Variants in RXFP1 observed in about 807,000 individuals in gnomAD.
RXFP1 encodes relaxin receptor 1.
A neutral mutation model predicts 89.8 loss-of-function variants in RXFP1; 73 were observed. The observed-to-expected ratio is 0.81, with a 90% CI of 0.67 to 0.99. The LOEUF is 0.99. Ranked by LOEUF, RXFP1 falls within the 50% of genes least tolerant of loss-of-function variation. The pLI is 0.00. For synonymous variants in RXFP1, 277 were observed against 305.5 expected, an observed-to-expected ratio of 0.91 and a Z score of 0.97; for missense variants, 793 against 895.5, an observed-to-expected ratio of 0.89 and a Z score of 1.46.
At chr4:158,612,414 A>C in intron 8 of RXFP1, 52 bp downstream of exon 8, 1 of 1,276,830 alleles carries the variant, frequency 7.8e-7, no homozygotes. Flanking sequence ...GACATGAATA[A>C]AAATTAATGC....
intron 11 of RXFP1, among the ~76,000 whole-genome samples, chr4:158,630,807 C>G (rs1399119039): frequency 1.3e-5 from 2 of 152,182 alleles, no homozygotes; most frequent in African/African-American, 2.4e-5. Context: ...GAGTCTATAT[C>G]TAAAGTGTCC....
intron 1 of RXFP1, among the ~76,000 whole-genome samples, chr4:158,555,591 G>A (rs537185683): frequency 2.4e-4 from 37 of 152,128 alleles, no homozygotes; most frequent in East Asian, 1.2e-3. Context: ...CAGACCCCAC[G>A]AAATGCATAC....
chr4:158,541,616 C>T (rs146798011), intron 1 of RXFP1, among the ~76,000 whole-genome samples: 2 of 152,158 alleles, frequency 1.3e-5, no homozygotes, highest in Admixed American at 1.3e-4. Context: ...CATACCCATA[C>T]ACCTTTCACC....
chr4:158,575,259 A>C (rs922257160), intron 2 of RXFP1, among the ~76,000 whole-genome samples: 22 of 152,228 alleles, frequency 1.4e-4, no homozygotes, highest in Non-Finnish European at 1.0e-4. Flanking sequence ...AGACAGAGGC[A>C]ATAGGGCATT....
chr4:158,645,349 A>G (rs1259670753), intron 15 of RXFP1, among the ~76,000 whole-genome samples: 4 of 152,224 alleles, frequency 2.6e-5, no homozygotes, highest in African/African-American at 9.6e-5. Flanking sequence ...TAATCACCTT[A>G]TGCAAATTAA....
At chr4:158,639,997 CTTGGTCT>C in intron 14 of RXFP1, among the ~76,000 whole-genome samples, 1 of 152,350 alleles carries the variant, frequency 6.6e-6, no homozygotes, top group South Asian at 2.1e-4. Flanking sequence ...GCACCTTGAT[CTTGGTCT>C]TCCCAGCCTC....
chr4:158,587,630 C>A (rs1387043625), intron 2 of RXFP1, among the ~76,000 whole-genome samples: 1 of 152,158 alleles, frequency 6.6e-6, no homozygotes, highest in African/African-American at 2.4e-5. Flanking sequence ...TACATAAATT[C>A]TTTGGCCTAG....
chr4:158,533,904 A>G (rs1744666698), intron 1 of RXFP1, among the ~76,000 whole-genome samples: 1 of 152,194 alleles, frequency 6.6e-6, no homozygotes, highest in African/African-American at 2.4e-5. Context: ...AATATTATAG[A>G]TGAAAACATC....
intron 5 of RXFP1, among the ~76,000 whole-genome samples, chr4:158,606,214 C>T (rs1762510011): frequency 6.6e-6 from 1 of 152,068 alleles, no homozygotes; most frequent in South Asian, 2.1e-4. Flanking sequence ...ACCTTGTGTC[C>T]ACTTATTTAA....
intron 9 of RXFP1, among the ~76,000 whole-genome samples, chr4:158,623,226 C>T (rs781069245): frequency 5.2e-4 from 79 of 151,544 alleles, no homozygotes; most frequent in Admixed American, 3.3e-4. Context: ...GGGTCAGGTG[C>T]GGTGGTGCAT....
chr4:158,545,860 G>A (rs1036575925), intron 1 of RXFP1, among the ~76,000 whole-genome samples: 2 of 152,282 alleles, frequency 1.3e-5, no homozygotes, highest in Admixed American at 1.3e-4. Flanking sequence ...TAGCCTTGTA[G>A]TATAGTTTGA....
In RXFP1 at chr4:158,542,079, C is replaced by CCATATATATATATATATATATA. The variant is rs56378897; in HGVS notation, c.49+20054_49+20055insCATATATATATATATATATATA. On this transcript the variant is annotated intron_variant, in intron 1 of 17. Coordinates refer to ENST00000307765, the MANE Select transcript of RXFP1 (RefSeq NM_021634.4). ...GGACTACAGGCAGGCGCCACCATGG[C>CCATATATATATATATATATATA]TATATATATATATATATATATATAT... 4.0e-4 allele frequency among the ~76,000 whole-genome samples: 12 copies of CCATATATATATATATATATATA among 29,818 alleles called. 3 individuals carry two copies. Among genetic ancestry groups the CCATATATATATATATATATATA allele is most frequent in the South Asian group, 1.4e-3 (1 of 724 alleles). 19.6% of individuals were successfully genotyped at this position (29,818 alleles called of 152,430 possible).
At position 158,612,159 on chromosome 4, in the gene RXFP1, T is replaced by A. The variant is rs1343263919; in HGVS notation, c.566T>A (p.Leu189Gln). Residue 189 changes from leucine (L) to glutamine (Q), a missense_variant, in exon 7 of 18, where the codon CTG (leucine) becomes CAG (glutamine). Physicochemically the swap from Leu to Gln is moderately radical, Grantham distance 113. Coordinates refer to ENST00000307765, the MANE Select transcript of RXFP1 (RefSeq NM_021634.4). ...LYLSHNRITF[L>Q]KPGVFEDLHR... ...CTCAGTCATAACAGAATAACCTTCCTGAAGCCGGGTGTTTTTGAAGATCTT... is the reference window on the plus strand; with the variant it reads ...CTCAGTCATAACAGAATAACCTTCCAGAAGCCGGGTGTTTTTGAAGATCTT... The A allele has an allele frequency of 6.2e-7, 1 of 1,611,364 alleles. No individual in the cohort carries two copies. The highest frequency in any genetic ancestry group is 8.5e-7 in the Non-Finnish European group (1 of 1,179,236).
chr4:158,555,384 A>T (rs1446321466), intron 1 of RXFP1, among the ~76,000 whole-genome samples: 5 of 152,210 alleles, frequency 3.3e-5, no homozygotes, highest in African/African-American at 1.2e-4. Flanking sequence ...CAAAAATGAT[A>T]ACCAGCCGTA....
At chr4:158,525,243 T>G (rs1290653761) in intron 1 of RXFP1, among the ~76,000 whole-genome samples, 1 of 151,686 alleles carries the variant, frequency 6.6e-6, no homozygotes, top group Non-Finnish European at 1.5e-5. Context: ...GTTTTTTTTT[T>G]AATTTGTATA....
At chr4:158,644,141 G>T (rs1024436588) in intron 14 of RXFP1, among the ~76,000 whole-genome samples, 3 of 148,880 alleles carry the variant, frequency 2.0e-5, no homozygotes, top group African/African-American at 7.5e-5. Flanking sequence ...CCGCCTCCCA[G>T]GTTCACGCCA....
rs144594410 is a variant in RXFP1 at position 158,563,899 on chromosome 4, C to A, written c.50-8799C>A. 6.1e-3 allele frequency among the ~76,000 whole-genome samples: 902 copies of A among 147,386 alleles called. 10 individuals are homozygous for A. Among genetic ancestry groups the A allele is most frequent in the African/African-American group, 0.02 (812 of 40,494 alleles). On this transcript the variant is annotated intron_variant, in intron 1 of 17. Coordinates refer to ENST00000307765, the MANE Select transcript of RXFP1 (RefSeq NM_021634.4). Reference sequence around the variant, plus strand: ...TAATATAATGTTACATATTATATAACATATTATATATATAACATAACATAA... The same window carrying A: ...TAATATAATGTTACATATTATATAAAATATTATATATATAACATAACATAA...
At chr4:158,590,226 G>A (rs1280116645) in intron 2 of RXFP1, among the ~76,000 whole-genome samples, 2 of 152,128 alleles carry the variant, frequency 1.3e-5, no homozygotes, top group African/African-American at 4.8e-5. Flanking sequence ...AGTGCAGTGT[G>A]CAATCTCGGC....
intron 12 of RXFP1, among the ~76,000 whole-genome samples, chr4:158,634,180 A>G (rs1321791271): frequency 6.6e-6 from 1 of 151,958 alleles, no homozygotes; most frequent in Non-Finnish European, 1.5e-5. Context: ...CCTTCCCAAC[A>G]CTTGGTATTT....
Sources: gnomAD v4.1 joint callset for allele counts (sites outside exome capture counted in the v4.1 genomes callset) on GRCh38, gnomAD v4.1.1 for gene constraint, MANE v1.5 for transcripts, NCBI Gene and HGNC (gene_info 2026-07-23, HGNC 2026-07-21) for gene names.